Variants in PLCH1 observed in about 807,000 individuals in gnomAD.
The protein encoded by PLCH1 is 1-phosphatidylinositol 4,5-bisphosphate phosphodiesterase eta-1.
In PLCH1, 60 loss-of-function variants were observed where a neutral mutation model predicts 126.7. The observed-to-expected ratio is 0.47, with a 90% CI of 0.38 to 0.59. The LOEUF (loss-of-function observed/expected upper bound fraction) is 0.59, where lower values mean the gene tolerates loss of function less well. Ranked by LOEUF, PLCH1 falls within the 20% of genes least tolerant of loss-of-function variation. The probability of loss-of-function intolerance (pLI) is 0.00; values close to 1 mark genes in which losing one functional copy is unlikely to be tolerated. For missense variants in PLCH1, 1,723 were observed against 2,040.0 expected, an observed-to-expected ratio of 0.84 and a Z score of 2.99; for synonymous variants, 719 against 734.9, an observed-to-expected ratio of 0.98 and a Z score of 0.35.
At chr3:155,485,987 C>CA (rs1715011869) in intron 21 of PLCH1, 2 of 613,516 alleles carry the variant, frequency 3.3e-6, no homozygotes. Flanking sequence ...GAAAAGTCTC[C>CA]ACAGCTCATA....
At position 155,482,496 on chromosome 3, in the gene PLCH1, G is replaced by C. The variant is rs1331373468; in HGVS notation, c.3530C>G (p.Thr1177Ser). Residue 1177 changes from threonine to serine, a missense_variant, in exon 23 of 23, where the codon ACT becomes AGT. By Grantham distance (58) the Thr-to-Ser change is moderately conservative. Transcript: ENST00000460012. ...SVISHLIDNV[T>S]LTNENEPGSS... is the part of the protein sequence containing the mutation. The stretch of plus-strand genomic sequence containing the variant: ...GCCCGGCTCATTCTCATTTGTTAAA[G>C]TGACATTGTCAATAAGATGGGAAAT... 6.2e-7 allele frequency: 1 copy of C among 1,614,160 alleles called. No homozygotes were observed. Among genetic ancestry groups the C allele is most frequent in the Non-Finnish European group, 8.5e-7 (1 of 1,179,998 alleles).
At chr3:155,669,855 C>T (rs1451964193) in intron 2 of PLCH1, among the ~76,000 whole-genome samples, 3 of 152,108 alleles carry the variant, frequency 2.0e-5, no homozygotes, top group Non-Finnish European at 2.9e-5. Flanking sequence ...ATGGCTCACA[C>T]GATGTATAGT....
chr3:155,517,197 C>G (rs1039813685), intron 11 of PLCH1, among the ~76,000 whole-genome samples: 4 of 152,086 alleles, frequency 2.6e-5, no homozygotes, highest in African/African-American at 9.7e-5. Context: ...GCCCTAGCTA[C>G]TTGGGAGGCT....
intron 10 of PLCH1, among the ~76,000 whole-genome samples, chr3:155,527,283 A>G (rs1357777688): frequency 6.6e-6 from 1 of 152,252 alleles, no homozygotes. Context: ...TCTAAATATC[A>G]TCCCAGGCTG....
intron 2 of PLCH1, chr3:155,658,276 C>T (rs553771142): frequency 8.9e-5 from 19 of 214,460 alleles, no homozygotes; most frequent in Non-Finnish European, 1.5e-4. Flanking sequence ...AGCAGCTGGG[C>T]AGTGGCTTGT....
chr3:155,511,356 G>A (rs899715501), intron 12 of PLCH1, among the ~76,000 whole-genome samples: 2 of 130,354 alleles, frequency 1.5e-5, no homozygotes, highest in East Asian at 2.1e-4. Context: ...CTCTCAGCTC[G>A]TCAAAATCAT....
At chr3:155,608,176 C>T (rs1359691356) in intron 2 of PLCH1, among the ~76,000 whole-genome samples, 2 of 152,142 alleles carry the variant, frequency 1.3e-5, no homozygotes, top group African/African-American at 4.8e-5. Flanking sequence ...TCACCAGCTC[C>T]AGGCTAGGGA....
rs200370376 is a variant in PLCH1 at position 155,504,105 on chromosome 3, CT to C, written c.1704+449del. 2.9e-3 allele frequency among the ~76,000 whole-genome samples: 441 copies of C among 152,144 alleles called. 1 individual carries two copies. The highest frequency in any genetic ancestry group is 0.01 in the African/African-American group (432 of 41,506). ...GATGACTGACGGGTGAATTCCTTTT[CT>C]TTATTAGCAATTTGGATATCTTCTT... On this transcript the variant is annotated intron_variant, in intron 13 of 22. Transcript: ENST00000460012.
At chr3:155,724,971 G>A (rs1476726443) in intron 1 of PLCH1, among the ~76,000 whole-genome samples, 4 of 152,096 alleles carry the variant, frequency 2.6e-5, no homozygotes, top group Non-Finnish European at 5.9e-5. Flanking sequence ...TGCAGGCTTA[G>A]TAGTTGTGAA....
At chr3:155,503,414 A>C (rs184123713) in intron 13 of PLCH1, among the ~76,000 whole-genome samples, 84 of 152,204 alleles carry the variant, frequency 5.5e-4, no homozygotes, top group African/African-American at 1.9e-3. Context: ...TCATTTTCTT[A>C]GTTGTTAACT....
At chr3:155,726,870 T>C (rs1444871954) in intron 1 of PLCH1, among the ~76,000 whole-genome samples, 1 of 147,058 alleles carries the variant, frequency 6.8e-6, no homozygotes, top group Non-Finnish European at 1.5e-5. Flanking sequence ...TAATTTTTTT[T>C]CTTTTTTCTT....
chr3:155,584,077 T>G (rs764687298), intron 5 of PLCH1, among the ~76,000 whole-genome samples: 25 of 151,580 alleles, frequency 1.6e-4, no homozygotes, highest in Non-Finnish European at 2.9e-4. Context: ...ATAATTCAAC[T>G]CAAAAAATGT....
intron 2 of PLCH1, among the ~76,000 whole-genome samples, chr3:155,674,600 CA>C (rs1307485637): frequency 1.3e-5 from 2 of 151,986 alleles, no homozygotes; most frequent in Non-Finnish European, 1.5e-5. Flanking sequence ...TTTCATTCAG[CA>C]GAATAAAATC....
intron 2 of PLCH1, among the ~76,000 whole-genome samples, chr3:155,666,660 G>A (rs1444686879): frequency 1.3e-5 from 2 of 152,108 alleles, no homozygotes; most frequent in African/African-American, 2.4e-5. Flanking sequence ...CTGCTTTTAT[G>A]TGCTCTAAAT....
chr3:155,532,824 T>TA, intron 10 of PLCH1, among the ~76,000 whole-genome samples: 1 of 152,344 alleles, frequency 6.6e-6, no homozygotes, highest in African/African-American at 2.4e-5. Context: ...AACTGACTAA[T>TA]ACAGTAGATT....
chr3:155,545,874 G>A (rs942611898), intron 10 of PLCH1, among the ~76,000 whole-genome samples: 5 of 152,208 alleles, frequency 3.3e-5, no homozygotes, highest in African/African-American at 1.2e-4. Flanking sequence ...AGTAGGTATT[G>A]ATGGGACATA....
At chr3:155,627,252 C>G (rs1173459289) in intron 2 of PLCH1, among the ~76,000 whole-genome samples, 1 of 152,082 alleles carries the variant, frequency 6.6e-6, no homozygotes, top group Admixed American at 6.5e-5. Context: ...TGCAGAGATA[C>G]TGACATAATG....
At chr3:155,717,077 G>A (rs1213153303) in intron 1 of PLCH1, among the ~76,000 whole-genome samples, 7 of 152,368 alleles carry the variant, frequency 4.6e-5, no homozygotes, top group African/African-American at 7.2e-5. Context: ...TCAAAACCCA[G>A]CAGGGCAGTC....
chr3:155,470,576 C>A (rs1022453501), intron 21 of PLCH1, among the ~76,000 whole-genome samples: 1 of 152,062 alleles, frequency 6.6e-6, no homozygotes, highest in South Asian at 2.1e-4. Context: ...ATACAGAAAA[C>A]GCCACAAAGA....
Sources: allele counts gnomAD v4.1 joint callset (sites outside exome capture counted in the v4.1 genomes callset), GRCh38; gene constraint gnomAD v4.1.1; transcripts MANE v1.5; gene names NCBI Gene and HGNC (gene_info 2026-07-23, HGNC 2026-07-21).